ACAN: variants seen among roughly 807,000 people sequenced by gnomAD.
The protein encoded by ACAN is aggrecan.
In ACAN, 47 loss-of-function variants were observed where a neutral mutation model predicts 169.1. The observed-to-expected ratio is 0.28, with a 90% CI of 0.22 to 0.35. The LOEUF (loss-of-function observed/expected upper bound fraction) is 0.35, where lower values mean the gene tolerates loss of function less well. ACAN is among the 10% of genes least tolerant of loss of function. The probability of loss-of-function intolerance (pLI) is 1.00; values close to 1 mark genes in which losing one functional copy is unlikely to be tolerated. For missense variants in ACAN, 2,716 were observed against 2,759.9 expected, an observed-to-expected ratio of 0.98 and a Z score of 0.36; for synonymous variants, 1,115 against 1,112.2, an observed-to-expected ratio of 1.00 and a Z score of -0.05.
At chr15:88,819,137 G>A (rs1896012960) in intron 1 of ACAN, among the ~76,000 whole-genome samples, 1 of 152,130 alleles carries the variant, frequency 6.6e-6, no homozygotes, top group Non-Finnish European at 1.5e-5. Context: ...GCCTTGCAGG[G>A]GACAGTCACA....
In ACAN at chr15:88,805,709, A is replaced by G. The variant is rs192951826; in HGVS notation, c.-8+1900A>G. On this transcript the variant is annotated intron_variant, in intron 1 of 18. Coordinates refer to ENST00000560601, the MANE Select transcript of ACAN (RefSeq NM_001369268.1). ...GGCAAGTACTCAGTAACTGTTTCATATTATTAATATTACTATTATCATTCT... is the reference window on the plus strand; with the variant it reads ...GGCAAGTACTCAGTAACTGTTTCATGTTATTAATATTACTATTATCATTCT... 2.4e-3 allele frequency among the ~76,000 whole-genome samples: 367 copies of G among 152,350 alleles called. 4 individuals carry two copies. The highest frequency in any genetic ancestry group is 8.5e-3 in the African/African-American group (355 of 41,578).
chr15:88,855,076 C>T lies in ACAN; in HGVS notation c.2491C>T (p.Pro831Ser). The T allele has an allele frequency of 6.3e-7, 1 of 1,585,808 alleles. No individual in the cohort carries two copies. Among genetic ancestry groups the T allele is most frequent in the South Asian group, 1.2e-5 (1 of 85,110 alleles). ...EEPFPSKEPS[P>S]SEEPSASEEP... ...GCCATTCCCCTCCAAGGAGCCATCCCCCTCAGAGGAACCATCAGCCTCGGA... is the reference window on the plus strand; with the variant it reads ...GCCATTCCCCTCCAAGGAGCCATCCTCCTCAGAGGAACCATCAGCCTCGGA... Residue 831 changes from proline (P) to serine (S), a missense_variant, in exon 12 of 19, where the codon CCC (proline) becomes TCC (serine). Physicochemically the swap from Pro to Ser is moderately conservative, Grantham distance 74. Around this residue, in one of 3 missense-constraint regions of ACAN, gnomAD observed 1,283 missense variants for 1,281.5 expected, o/e 1.00. Transcript: ENST00000560601.
At position 88,858,242 on chromosome 15, in the gene ACAN, G is replaced by A. The variant is rs769763273; in HGVS notation, c.5657G>A (p.Gly1886Glu). The change falls in exon 12 of 19, where the codon GGG becomes GAG. Residue 1886 changes from glycine to glutamate, a missense_variant. Transcript: ENST00000560601. The surrounding 1 kb of genome is among the most constrained non-coding windows in gnomAD (Gnocchi z 4.0). The part of the protein sequence containing the change: ...GQFSGTVDSS[G>E]FTSQTPEFSG... Reference sequence around the variant, plus strand: ...TTTTCTGGAACAGTCGATTCCAGTGGGTTTACATCCCAGACTCCGGAATTC... The same window carrying A: ...TTTTCTGGAACAGTCGATTCCAGTGAGTTTACATCCCAGACTCCGGAATTC... 2 of 1,613,800 alleles carry A rather than the reference G, an allele frequency of 1.2e-6. No individual in the cohort carries two copies. The highest frequency in any genetic ancestry group is 1.7e-5 in the Admixed American group (1 of 60,008).
At chr15:88,865,733 T>A (rs1224533264) in intron 13 of ACAN, among the ~76,000 whole-genome samples, 1 of 152,118 alleles carries the variant, frequency 6.6e-6, no homozygotes, top group Non-Finnish European at 1.5e-5. Flanking sequence ...AACTCCTCTA[T>A]CAGTTCCAGA....
At position 88,866,762 on chromosome 15, in the gene ACAN, T is replaced by C. The variant is rs1051878095; in HGVS notation, c.6947-1454T>C. ...GTAAGGACTCAGAGGAAACCGCCTTTACCATCTCATCAGAAGGTTGACTTT... is the reference window on the plus strand; with the variant it reads ...GTAAGGACTCAGAGGAAACCGCCTTCACCATCTCATCAGAAGGTTGACTTT... On this transcript the variant is annotated intron_variant, in intron 13 of 18. Coordinates refer to ENST00000560601, the MANE Select transcript of ACAN (RefSeq NM_001369268.1). The surrounding 1 kb of genome is among the most constrained non-coding windows in gnomAD (Gnocchi z 5.6). 6.6e-6 allele frequency among the ~76,000 whole-genome samples: 1 copy of C among 152,182 alleles called. No homozygotes were observed. The highest frequency in any genetic ancestry group is 2.4e-5 in the African/African-American group (1 of 41,446).
intron 1 of ACAN, among the ~76,000 whole-genome samples, chr15:88,826,374 C>CTTTT (rs59069149): frequency 2.7e-5 from 3 of 111,586 alleles, no homozygotes; most frequent in South Asian, 2.9e-4. Context: ...CCTTTTTTTT[C>CTTTT]TTTTTTTTTT....
Position 88,860,364 on chromosome 15 carries a change from G to A in ACAN, c.6871G>A (p.Gly2291Arg), listed in dbSNP as rs1169742258. The A allele has an allele frequency of 8.1e-6, 13 of 1,613,264 alleles. No homozygotes were observed. The highest frequency in any genetic ancestry group is 9.3e-6 in the Non-Finnish European group (11 of 1,179,758). Residue 2291 changes from glycine to arginine, a missense_variant, in exon 13 of 19, where the codon GGG becomes AGG. Around this residue, in one of 3 missense-constraint regions of ACAN, gnomAD observed 1,389 missense variants for 1,363.7 expected, o/e 1.02. Transcript: ENST00000560601. ...CTGTGCAGAGGAGCCCTGTGGAGCT[G>A]GGACCTGCAAGGAGACAGAGGGACA... is the stretch of plus-strand genomic sequence containing the variant. ...RSCAEEPCGA[G>R]TCKETEGHVI... is the part of the protein sequence containing the mutation.
chr15:88,809,532 C>CA (rs1439720112), intron 1 of ACAN, among the ~76,000 whole-genome samples: 2 of 152,208 alleles, frequency 1.3e-5, no homozygotes, highest in Non-Finnish European at 2.9e-5. Flanking sequence ...CAGGCACATA[C>CA]AACAGACTAG....
chr15:88,810,259 A>G (rs1233680195), intron 1 of ACAN, among the ~76,000 whole-genome samples: 2 of 150,960 alleles, frequency 1.3e-5, no homozygotes, highest in African/African-American at 4.9e-5. Context: ...CCCAACTCTA[A>G]ACAGATTTGG....
Position 88,851,977 on chromosome 15 carries a change from A to G in ACAN, c.2210A>G (p.Glu737Gly), listed in dbSNP as rs1454405139. The G allele has an allele frequency of 6.2e-7, 1 of 1,612,266 alleles. No individual in the cohort carries two copies. The highest frequency in any genetic ancestry group is 8.5e-7 in the Non-Finnish European group (1 of 1,179,216). ...TAILEFTTEP[E>G]NQTEWEPAYT... ...ATCCTAGAGTTCACCACCGAGCCAG[A>G]AAACCAGACAGAATGGGAACCAGCC... The change falls in exon 11 of 19, where the codon GAA becomes GGA. Residue 737 changes from glutamate to glycine, a missense_variant. Glu to Gly is a moderately conservative substitution (Grantham distance 98). Around this residue, in one of 3 missense-constraint regions of ACAN, gnomAD observed 1,283 missense variants for 1,281.5 expected, o/e 1.00. Coordinates refer to ENST00000560601, the MANE Select transcript of ACAN (RefSeq NM_001369268.1). This position sits in a 1 kb window ranked among gnomAD's most constrained non-coding sequence, Gnocchi z 4.3.
At chr15:88,835,405 A>G (rs539030127) in intron 1 of ACAN, among the ~76,000 whole-genome samples, 1 of 152,036 alleles carries the variant, frequency 6.6e-6, no homozygotes, top group African/African-American at 2.4e-5. Context: ...AGACACACAC[A>G]TACACACACA....
chr15:88,810,180 A>G (rs1895784838), intron 1 of ACAN, among the ~76,000 whole-genome samples: 2 of 151,950 alleles, frequency 1.3e-5, no homozygotes, highest in Admixed American at 1.3e-4. Flanking sequence ...CCTTCACACC[A>G]CGCAGGTCCC....
Position 88,858,179 on chromosome 15 carries a change from T to A in ACAN, c.5594T>A (p.Leu1865Gln), listed in dbSNP as rs567724750. 16 of 1,613,846 alleles carry A rather than the reference T, an allele frequency of 9.9e-6. No homozygotes were observed. The highest frequency in any genetic ancestry group is 1.4e-5 in the Non-Finnish European group (16 of 1,179,908). ...LSGLPSGEAD[L>Q]SGKSGMVDVS... is the part of the protein sequence containing the mutation. ...GGCCTCCCTTCCGGAGAGGCAGATC[T>A]GTCAGGCAAATCTGGGATGGTGGAT... Residue 1865 changes from leucine to glutamine, a missense_variant, in exon 12 of 19, where the codon CTG (leucine) becomes CAG (glutamine). Transcript: ENST00000560601. The surrounding 1 kb of genome is among the most constrained non-coding windows in gnomAD (Gnocchi z 4.0).
In ACAN at chr15:88,875,056, G is replaced by C. The variant is rs558985876; in HGVS notation, c.*575G>C. On this transcript the variant is annotated 3_prime_UTR_variant, in exon 19 of 19. Transcript: ENST00000560601. The surrounding 1 kb of genome is among the most constrained non-coding windows in gnomAD (Gnocchi z 4.8). ...GAGGGGTGGGTTCCTGCCTCCTGCC[G>C]AGGGTAAGCCGGCAGGAGAGAGCCA... 7.8e-5 allele frequency: 13 copies of C among 166,590 alleles called. No homozygotes were observed. The South Asian group carries it at 1.1e-3, about 14-fold the overall frequency. The allele number at this position is 166,590 out of a possible 1,614,324, so 10.3% of individuals were successfully genotyped here. A position where few individuals can be genotyped will look rare whatever the true frequency, so the allele number is the denominator to read the frequency against.
chr15:88,857,917 C>G lies in ACAN; in HGVS notation c.5332C>G (p.Gln1778Glu), dbSNP rs1290025738. ...EASGVLYGTS[Q>E]PFGITDLSGE... is the part of the protein sequence containing the mutation. ...ATCTGGAGTTCTTTATGGCACTAGT[C>G]AACCCTTTGGCATAACTGATCTGAG... The change falls in exon 12 of 19, where the codon CAA becomes GAA. Residue 1778 changes from glutamine to glutamate, a missense_variant. Physicochemically the swap from Gln to Glu is conservative, Grantham distance 29. Around this residue, in one of 3 missense-constraint regions of ACAN, gnomAD observed 1,389 missense variants for 1,363.7 expected, o/e 1.02. Transcript: ENST00000560601. 1 of 1,613,758 alleles carries G rather than the reference C, an allele frequency of 6.2e-7. No individual in the cohort carries two copies. Among genetic ancestry groups the G allele is most frequent in the East Asian group, 2.2e-5 (1 of 44,870 alleles).
In ACAN at chr15:88,857,443, C is replaced by A. The variant is rs1897081639; in HGVS notation, c.4858C>A (p.Pro1620Thr). 1 of 1,613,762 alleles carries A rather than the reference C, an allele frequency of 6.2e-7. No homozygotes were observed. Among genetic ancestry groups the A allele is most frequent in the African/African-American group, 1.3e-5 (1 of 74,928 alleles). The part of the protein sequence containing the change: ...PSGTLGSGQA[P>T]ETSGLPSGFS... ...TGGAACTCTAGGAAGTGGGCAAGCT[C>A]CAGAAACAAGTGGTCTTCCCTCTGG... Residue 1620 changes from proline (P) to threonine (T), a missense_variant, in exon 12 of 19, where the codon CCA becomes ACA. Around this residue, in one of 3 missense-constraint regions of ACAN, gnomAD observed 1,389 missense variants for 1,363.7 expected, o/e 1.02. Coordinates refer to ENST00000560601, the MANE Select transcript of ACAN (RefSeq NM_001369268.1).
chr15:88,828,743 G>A (rs545384855), intron 1 of ACAN, among the ~76,000 whole-genome samples: 1 of 152,142 alleles, frequency 6.6e-6, no homozygotes, highest in Non-Finnish European at 1.5e-5. Flanking sequence ...CGTGGAGCTG[G>A]CATTTGGAAT....
In ACAN at chr15:88,838,733, C is replaced by T. The variant is rs368322348; in HGVS notation, c.141C>T (p.Leu47=). Reference sequence around the variant, plus strand: ...TGAGGGTCCTCCTGGGGACCTCCCTCACCATCCCCTGCTATTTCATCGACC... The same window carrying T: ...TGAGGGTCCTCCTGGGGACCTCCCTTACCATCCCCTGCTATTTCATCGACC... ...SPLRVLLGTS[L]TIPCYFIDPM... Residue 47 remains leucine (L), a synonymous_variant, in exon 3 of 19, where the codon CTC becomes CTT. Coordinates refer to ENST00000560601, the MANE Select transcript of ACAN (RefSeq NM_001369268.1). The surrounding 1 kb of genome is among the most constrained non-coding windows in gnomAD (Gnocchi z 5.1). 1.2e-6 allele frequency: 2 copies of T among 1,612,490 alleles called. No individual in the cohort carries two copies. Among genetic ancestry groups the T allele is most frequent in the East Asian group, 2.2e-5 (1 of 44,848 alleles).
rs181077105 is a variant in ACAN, at chr15:88,815,119, G to C, written c.-8+11310G>C. 2.3e-4 allele frequency among the ~76,000 whole-genome samples: 35 copies of C among 152,182 alleles called. No individual in the cohort carries two copies. In the East Asian group the frequency reaches 5.0e-3, roughly 22 times the overall value. On this transcript the variant is annotated intron_variant, in intron 1 of 18. Transcript: ENST00000560601. ...CTTGTTTTTTCCTTAATAAAAGGGA[G>C]GATCTGGAATATGGTTCTCCCCTCT...
Sources: allele counts gnomAD v4.1 joint callset (sites outside exome capture counted in the v4.1 genomes callset), GRCh38; gene constraint gnomAD v4.1.1; regional missense constraint gnomAD v4.1.1; non-coding constraint Gnocchi (gnomAD v3.1); transcripts MANE v1.5; gene names NCBI Gene and HGNC (gene_info 2026-07-23, HGNC 2026-07-21).